CDH8: variants seen among roughly 807,000 people sequenced by gnomAD.
The protein encoded by CDH8 is cadherin-8.
In CDH8, 17 loss-of-function variants were observed where a neutral mutation model predicts 68.1. That is an observed-to-expected ratio of 0.25 (90% CI 0.17 to 0.37). The LOEUF (loss-of-function observed/expected upper bound fraction) is 0.37, where lower values mean the gene tolerates loss of function less well. CDH8 is among the 10% of genes least tolerant of loss of function. CDH8 has a pLI of 1.00. For missense variants in CDH8, 763 were observed against 999.3 expected, an observed-to-expected ratio of 0.76 and a Z score of 3.19; for synonymous variants, 372 against 365.1, an observed-to-expected ratio of 1.02 and a Z score of -0.21.
chr16:61,761,345 T>C (rs775085711), intron 8 of CDH8, among the ~76,000 whole-genome samples: 3 of 152,160 alleles, frequency 2.0e-5, no homozygotes, highest in African/African-American at 4.8e-5. Flanking sequence ...TAGGAGTAAA[T>C]TGAAGCTTTA....
intron 8 of CDH8, among the ~76,000 whole-genome samples, chr16:61,766,824 C>A (rs1368325284): frequency 6.6e-6 from 1 of 151,898 alleles, no homozygotes; most frequent in East Asian, 1.9e-4. Flanking sequence ...GGAAATTATG[C>A]TAAAAAAGTT....
At chr16:61,915,038 A>G (rs1964217325) in intron 2 of CDH8, among the ~76,000 whole-genome samples, 1 of 152,232 alleles carries the variant, frequency 6.6e-6, no homozygotes, top group Admixed American at 6.5e-5. Context: ...TGATGTGTTG[A>G]CATGTTTACA....
In CDH8 at chr16:61,652,921, T is replaced by C. The variant is rs766564531; in HGVS notation, c.*687A>G. The C allele has an allele frequency of 1.1e-5, 17 of 1,527,322 alleles. No homozygotes were observed. The highest frequency in any genetic ancestry group is 1.5e-5 in the Non-Finnish European group (17 of 1,142,830). 94.6% of individuals were successfully genotyped at this position (1,527,322 alleles called of 1,614,324 possible). ...CTTCTAGAAAACAAGCATGTTTGAA[T>C]GGGATTTCTCTCCTCCCACCACTGA... On this transcript the variant is annotated 3_prime_UTR_variant, in exon 12 of 12. Transcript: ENST00000577390.
intron 2 of CDH8, among the ~76,000 whole-genome samples, chr16:61,954,123 G>A (rs1391037944): frequency 1.3e-5 from 2 of 151,814 alleles, no homozygotes; most frequent in African/African-American, 4.8e-5. Context: ...AGGTTAACAA[G>A]GGGAGTAATG....
Position 61,656,153 on chromosome 16 carries a change from T to C in CDH8, c.1655-432A>G, listed in dbSNP as rs13330712. ...TCCCAAAGTGCTGGGGGTACAGGCG[T>C]GAGCCACTGCGCCCGGCCTGCGCTT... On this transcript the variant is annotated intron_variant, in intron 10 of 11. Coordinates refer to ENST00000577390, the MANE Select transcript of CDH8 (RefSeq NM_001796.5). Among the ~76,000 whole-genome samples, 1,407 of 152,194 alleles carry C rather than the reference T, an allele frequency of 9.2e-3. 27 individuals carry two copies. The highest frequency in any genetic ancestry group is 0.033 in the African/African-American group (1,351 of 41,524).
intron 1 of CDH8, among the ~76,000 whole-genome samples, chr16:62,027,755 G>A (rs1478108773): frequency 2.6e-5 from 4 of 152,066 alleles, no homozygotes; most frequent in African/African-American, 9.7e-5. Flanking sequence ...AAAAGCCTTT[G>A]GATTTTAGAG....
intron 2 of CDH8, among the ~76,000 whole-genome samples, chr16:61,950,142 G>A (rs1964868131): frequency 1.3e-5 from 2 of 152,232 alleles, no homozygotes; most frequent in East Asian, 1.9e-4. Flanking sequence ...TATCGATAAA[G>A]CACTTTCTGT....
chr16:61,856,361 C>T (rs1191027629), intron 4 of CDH8, among the ~76,000 whole-genome samples: 1 of 152,052 alleles, frequency 6.6e-6, no homozygotes, highest in Non-Finnish European at 1.5e-5. Context: ...ATTTACAAGT[C>T]AGACAAAATA....
intron 3 of CDH8, among the ~76,000 whole-genome samples, chr16:61,877,244 G>A (rs893895193): frequency 6.6e-6 from 1 of 151,578 alleles, no homozygotes; most frequent in Admixed American, 6.6e-5. Flanking sequence ...ATTAAATGCT[G>A]TATATTATAC....
At chr16:61,777,088 A>T (rs1454901426) in intron 8 of CDH8, among the ~76,000 whole-genome samples, 1 of 152,138 alleles carries the variant, frequency 6.6e-6, no homozygotes, top group Non-Finnish European at 1.5e-5. Context: ...CAGATTTATG[A>T]GCCTGGATAC....
At chr16:61,757,825 G>A (rs1293714316) in intron 8 of CDH8, among the ~76,000 whole-genome samples, 3 of 152,124 alleles carry the variant, frequency 2.0e-5, no homozygotes, top group Non-Finnish European at 4.4e-5. Flanking sequence ...ATTCTGCAGA[G>A]ACAAACTGAC....
At chr16:61,897,915 T>C (rs928158567) in intron 3 of CDH8, among the ~76,000 whole-genome samples, 2 of 152,134 alleles carry the variant, frequency 1.3e-5, no homozygotes, top group Non-Finnish European at 2.9e-5. Flanking sequence ...GTTTTTTATG[T>C]GTGTGTGGGG....
intron 10 of CDH8, among the ~76,000 whole-genome samples, chr16:61,658,727 T>C (rs1355919862): frequency 6.6e-6 from 1 of 152,114 alleles, no homozygotes; most frequent in Non-Finnish European, 1.5e-5. Context: ...CATTTGCTAT[T>C]CTTGGAAAAA....
rs537813620 is a variant in CDH8 at position 61,747,507 on chromosome 16, C to T, written c.1415-20292G>A. Among the ~76,000 whole-genome samples, 8 of 152,044 alleles carry T rather than the reference C, an allele frequency of 5.3e-5. No homozygotes were observed. The South Asian group carries it at 1.7e-3, about 32-fold the overall frequency. ...CCAGTATATCCATCATGCAAATTTTCAATATAGAGCAACAGAGATGCTGAC... is the reference window on the plus strand; with the variant it reads ...CCAGTATATCCATCATGCAAATTTTTAATATAGAGCAACAGAGATGCTGAC... On this transcript the variant is annotated intron_variant, in intron 8 of 11. Transcript: ENST00000577390.
At chr16:61,976,006 C>T (rs1386776879) in intron 2 of CDH8, among the ~76,000 whole-genome samples, 1 of 152,112 alleles carries the variant, frequency 6.6e-6, no homozygotes, top group East Asian at 1.9e-4. Context: ...TTTCCTTTAA[C>T]AAATGCAGAC....
At chr16:61,927,598 G>A (rs964996833) in intron 2 of CDH8, among the ~76,000 whole-genome samples, 1 of 152,106 alleles carries the variant, frequency 6.6e-6, no homozygotes, top group Non-Finnish European at 1.5e-5. Flanking sequence ...TTATTCACTA[G>A]TTCCATGACT....
chr16:61,946,688 C>G (rs1013529908), intron 2 of CDH8, among the ~76,000 whole-genome samples: 7 of 152,138 alleles, frequency 4.6e-5, no homozygotes, highest in African/African-American at 1.7e-4. Flanking sequence ...ATCTTTTCCC[C>G]TCACATACAT....
At chr16:61,704,528 T>C (rs1363571633) in intron 10 of CDH8, among the ~76,000 whole-genome samples, 3 of 152,220 alleles carry the variant, frequency 2.0e-5, no homozygotes, top group African/African-American at 7.2e-5. Context: ...ATCACTTCCA[T>C]GATTTTTGAA....
intron 1 of CDH8, among the ~76,000 whole-genome samples, chr16:62,024,615 C>G (rs1902152865): frequency 6.6e-6 from 1 of 152,082 alleles, no homozygotes; most frequent in Non-Finnish European, 1.5e-5. Flanking sequence ...GACTCTGGAC[C>G]AATGTTATGC....
Sources: gnomAD v4.1 joint callset for allele counts (sites outside exome capture counted in the v4.1 genomes callset) on GRCh38, gnomAD v4.1.1 for gene constraint, MANE v1.5 for transcripts, NCBI Gene and HGNC (gene_info 2026-07-23, HGNC 2026-07-21) for gene names.